Variants in OPCML observed in about 807,000 individuals in gnomAD.
The protein encoded by OPCML is opioid binding protein/cell adhesion molecule like.
OPCML carries 13 observed loss-of-function variants against 37.8 expected under a neutral mutation model. That is an observed-to-expected ratio of 0.34 (90% CI 0.22 to 0.55). The LOEUF (loss-of-function observed/expected upper bound fraction) is 0.55. Ranked by LOEUF, OPCML falls within the 20% of genes least tolerant of loss-of-function variation. The pLI is 0.91. For synonymous variants in OPCML, 176 were observed against 168.8 expected, an observed-to-expected ratio of 1.04 and a Z score of -0.33; for missense variants, 341 against 435.6, an observed-to-expected ratio of 0.78 and a Z score of 1.93.
chr11:133,051,072 C>A (rs925340341), intron 1 of OPCML, among the ~76,000 whole-genome samples: 2 of 151,660 alleles, frequency 1.3e-5, no homozygotes, highest in African/African-American at 4.8e-5. Flanking sequence ...CACACACACA[C>A]ACACACACAC....
At chr11:133,034,020 A>C (rs1218556716) in intron 1 of OPCML, among the ~76,000 whole-genome samples, 1 of 152,226 alleles carries the variant, frequency 6.6e-6, no homozygotes, top group Non-Finnish European at 1.5e-5. Context: ...TGATGCAAAA[A>C]ATGACTTAGT....
intron 3 of OPCML, among the ~76,000 whole-genome samples, chr11:132,560,470 A>T (rs932763893): frequency 3.9e-5 from 6 of 152,218 alleles, no homozygotes; most frequent in Non-Finnish European, 7.3e-5. Context: ...AGCAGTGTGC[A>T]CAGTACCCAA....
Position 133,205,305 on chromosome 11 carries a change from C to G in OPCML, c.62-262295G>C, listed in dbSNP as rs1247224570. ...GAGGGCCTGGAAGCTCTACACCCCT[C>G]CCCGCTGCCTTGCCCCACACACCTC... On this transcript the variant is annotated intron_variant, in intron 1 of 7. Transcript: ENST00000524381. This position sits in a 1 kb window ranked among gnomAD's most constrained non-coding sequence, Gnocchi z 4.8. Among the ~76,000 whole-genome samples, 2 of 152,304 alleles carry G rather than the reference C, an allele frequency of 1.3e-5. No individual in the cohort carries two copies. The highest frequency in any genetic ancestry group is 1.9e-4 in the East Asian group (1 of 5,168).
rs1243626131 is a variant in OPCML, at chr11:133,091,074, CTG to C, written c.62-148066_62-148065del. 5.3e-5 allele frequency among the ~76,000 whole-genome samples: 8 copies of C among 152,292 alleles called. No homozygotes were observed. The East Asian group carries it at 1.2e-3, about 22-fold the overall frequency. On this transcript the variant is annotated intron_variant, in intron 1 of 7. Coordinates refer to ENST00000524381, the MANE Select transcript of OPCML (RefSeq NM_001012393.5). ...GAAGACCCAGGGATGACTAACATCT[CTG>C]TTTCTCACATTCTGCTGCAATGTTC...
chr11:133,246,707 G>A (rs550321922), intron 1 of OPCML, among the ~76,000 whole-genome samples: 3 of 152,254 alleles, frequency 2.0e-5, no homozygotes, highest in African/African-American at 7.2e-5. Flanking sequence ...ACTTTTCAAC[G>A]TTTTTTGAGT....
At chr11:133,140,724 AGAC>A (rs369146961) in intron 1 of OPCML, among the ~76,000 whole-genome samples, 661 of 22,122 alleles carry the variant, frequency 0.03, 9 homozygotes, top group African/African-American at 0.054. Context: ...CGAAGACGGA[AGAC>A]GACGACGACG....
chr11:133,079,594 C>A (rs1417258576), intron 1 of OPCML, among the ~76,000 whole-genome samples: 1 of 152,136 alleles, frequency 6.6e-6, no homozygotes, highest in Non-Finnish European at 1.5e-5. Flanking sequence ...TGACACCCTG[C>A]AAAGTGCACA....
intron 2 of OPCML, among the ~76,000 whole-genome samples, chr11:132,900,763 G>C (rs754813431): frequency 3.3e-5 from 5 of 152,062 alleles, no homozygotes; most frequent in Non-Finnish European, 7.4e-5. Flanking sequence ...CATGTCTACA[G>C]TCAGAGAAGC....
At chr11:133,287,857 C>G (rs1028752798) in intron 1 of OPCML, among the ~76,000 whole-genome samples, 1 of 152,200 alleles carries the variant, frequency 6.6e-6, no homozygotes, top group Non-Finnish European at 1.5e-5. Context: ...GCCTCTGCAG[C>G]CAGGCTCCTG....
chr11:132,734,993 AATCT>A (rs764263355), intron 2 of OPCML, among the ~76,000 whole-genome samples: 4 of 152,208 alleles, frequency 2.6e-5, no homozygotes, highest in Non-Finnish European at 4.4e-5. Flanking sequence ...AAAAGTACAA[AATCT>A]ATCTAACTAG....
intron 2 of OPCML, among the ~76,000 whole-genome samples, chr11:132,918,482 A>G (rs1035490085): frequency 6.6e-6 from 1 of 152,230 alleles, no homozygotes; most frequent in Non-Finnish European, 1.5e-5. Flanking sequence ...TAAAATTGGA[A>G]TCATACAGCG....
chr11:132,519,779 C>T (rs2096288275), intron 4 of OPCML, among the ~76,000 whole-genome samples: 1 of 152,120 alleles, frequency 6.6e-6, no homozygotes, highest in African/African-American at 2.4e-5. Flanking sequence ...ACCTCTTTCT[C>T]ACACTCCAGG....
At chr11:133,226,087 C>G (rs1250000593) in intron 1 of OPCML, among the ~76,000 whole-genome samples, 1 of 152,260 alleles carries the variant, frequency 6.6e-6, no homozygotes, top group Non-Finnish European at 1.5e-5. Context: ...CCTGTGGTCA[C>G]TGCAGAGCCC....
At chr11:132,929,332 T>C (rs574026285) in intron 2 of OPCML, among the ~76,000 whole-genome samples, 21 of 152,156 alleles carry the variant, frequency 1.4e-4, no homozygotes, top group African/African-American at 5.1e-4. Context: ...GCCAACAAAT[T>C]GGTTAACCTA....
chr11:132,620,950 G>A (rs1939365078), intron 3 of OPCML, among the ~76,000 whole-genome samples: 1 of 152,194 alleles, frequency 6.6e-6, no homozygotes, highest in African/African-American at 2.4e-5. Flanking sequence ...AGGTGGAACT[G>A]CAAGGTCATG....
At chr11:133,492,921 A>T (rs921284483) in intron 1 of OPCML, among the ~76,000 whole-genome samples, 4 of 152,152 alleles carry the variant, frequency 2.6e-5, no homozygotes, top group African/African-American at 9.7e-5. Context: ...TTAAAACAGG[A>T]TAGAAAGGCA....
intron 2 of OPCML, among the ~76,000 whole-genome samples, chr11:132,806,250 A>G (rs1939000761): frequency 6.6e-6 from 1 of 152,134 alleles, no homozygotes; most frequent in Non-Finnish European, 1.5e-5. Flanking sequence ...TGGTAGACTT[A>G]AATCAAACCA....
chr11:132,617,997 G>T (rs183770791), intron 3 of OPCML, among the ~76,000 whole-genome samples: 15 of 152,270 alleles, frequency 9.9e-5, no homozygotes, highest in African/African-American at 2.6e-4. Context: ...TCTTACAGCC[G>T]CAGTGTTACA....
intron 2 of OPCML, among the ~76,000 whole-genome samples, chr11:132,930,294 G>C (rs1945154071): frequency 6.6e-6 from 1 of 152,112 alleles, no homozygotes; most frequent in South Asian, 2.1e-4. Flanking sequence ...AACCTGAAAG[G>C]TCGAGGCTAC....
Sources: gnomAD v4.1 joint callset for allele counts (sites outside exome capture counted in the v4.1 genomes callset) on GRCh38, gnomAD v4.1.1 for gene constraint, Gnocchi (gnomAD v3.1) non-coding constraint, MANE v1.5 for transcripts, NCBI Gene and HGNC (gene_info 2026-07-23, HGNC 2026-07-21) for gene names.